CDHR5: variants seen among roughly 807,000 people sequenced by gnomAD.
The protein encoded by CDHR5 is cadherin related family member 5.
Under a neutral mutation model 69.5 loss-of-function variants are expected in CDHR5, and 82 were observed. That is an observed-to-expected ratio of 1.18 (90% CI 0.99 to 1.42). CDHR5 has a LOEUF of 1.42. Ranked by LOEUF, CDHR5 falls within the 40% of genes most tolerant of loss-of-function variation. CDHR5 has a pLI of 0.00. For missense variants in CDHR5, 1,293 were observed against 1,168.9 expected (o/e 1.11, Z -1.55); for synonymous variants, 601 against 510.2 (o/e 1.18, Z -2.40).
rs748573427 is a variant in CDHR5, at chr11:621,576, G to A, written c.493C>T (p.Gln165Ter). 6.2e-7 allele frequency: 1 copy of A among 1,613,350 alleles called. No individual in the cohort carries two copies. Among genetic ancestry groups the A allele is most frequent in the Non-Finnish European group, 8.5e-7 (1 of 1,179,360 alleles). ...GCGGCACTGACTGCTGTCATTTCCTGGAGGGTGTAGAACAGAATGTCGTCC... is the reference window on the plus strand; with the variant it reads ...GCGGCACTGACTGCTGTCATTTCCTAGAGGGTGTAGAACAGAATGTCGTCC... Reference protein sequence around the residue: ...DKDDILFYTLQEMTAGASDYF... With the variant: ...DKDDILFYTL The change falls in exon 5 of 15, where the codon CAG (glutamine) becomes TAG (stop). Residue 165 changes from glutamine (Q) to a stop codon, truncating the protein, a stop_gained. Transcript: ENST00000397542. LOFTEE classifies it high-confidence loss of function. This position sits in a 1 kb window ranked among gnomAD's most constrained non-coding sequence, Gnocchi z 4.4.
At chr11:618,424 C>T (rs1426523816) in intron 13 of CDHR5, among the ~76,000 whole-genome samples, 175 bp downstream of exon 13, 1 of 152,254 alleles carries the variant, frequency 6.6e-6, no homozygotes, top group Non-Finnish European at 1.5e-5. Context: ...CTACACACAT[C>T]ACAGGTTACC....
chr11:621,628 C>A lies in CDHR5; in HGVS notation c.441G>T (p.Thr147=). 2 of 1,613,694 alleles carry A rather than the reference C, an allele frequency of 1.2e-6. No homozygotes were observed. Among genetic ancestry groups the A allele is most frequent in the Non-Finnish European group, 1.7e-6 (2 of 1,179,768 alleles). ...TKVNSTVIPE[T]QLQAEDRDKD... is the part of the protein sequence containing the mutation. ...TGTCGCGGTCCTCAGCCTGCAGTTG[C>A]GTCTCGGGGATGACGGTGGAGTTCA... The change falls in exon 5 of 15, where the codon ACG becomes ACT. Residue 147 remains threonine, a synonymous_variant. Coordinates refer to ENST00000397542, the MANE Select transcript of CDHR5 (RefSeq NM_021924.5). The surrounding 1 kb of genome is among the most constrained non-coding windows in gnomAD (Gnocchi z 4.4).
At chr11:622,592 C>T (rs980322154) in intron 3 of CDHR5, among the ~76,000 whole-genome samples, 4 of 152,016 alleles carry the variant, frequency 2.6e-5, no homozygotes, top group Non-Finnish European at 4.4e-5. Flanking sequence ...CTGCCCACCT[C>T]GGCCTCCCAA....
chr11:618,280 G>A (rs567527958), intron 13 of CDHR5, among the ~76,000 whole-genome samples, 169 bp from the exon 14 acceptor site: 30 of 152,244 alleles, frequency 2.0e-4, no homozygotes, highest in African/African-American at 7.0e-4. Context: ...GTGTCCCATC[G>A]AGACCCTGCC....
At position 621,369 on chromosome 11, in the gene CDHR5, G is replaced by T; in HGVS notation, c.594C>A (p.Asn198Lys). 1 of 1,613,232 alleles carries T rather than the reference G, an allele frequency of 6.2e-7. No homozygotes were observed. The highest frequency in any genetic ancestry group is 8.5e-7 in the Non-Finnish European group (1 of 1,179,966). Residue 198 changes from asparagine (N) to lysine (K), a missense_variant, in exon 6 of 15, where the codon AAC (asparagine) becomes AAA (lysine). Coordinates refer to ENST00000397542, the MANE Select transcript of CDHR5 (RefSeq NM_021924.5). The surrounding 1 kb of genome is among the most constrained non-coding windows in gnomAD (Gnocchi z 4.4). Reference sequence around the variant, plus strand: ...CCCGCACCAGCAGCCAGAAGGTCATGTTCGGCCGCTCGTAGAAGTCCAGGG... The same window carrying T: ...CCCGCACCAGCAGCCAGAAGGTCATTTTCGGCCGCTCGTAGAAGTCCAGGG... ...DRPLDFYERP[N>K]MTFWLLVRDT... is the part of the protein sequence containing the mutation.
rs758796445 is a variant in CDHR5, at chr11:619,792, C to T, written c.1068G>A (p.Gln356=). The change falls in exon 10 of 15, where the codon CAG becomes CAA. Residue 356 remains glutamine (Q), a synonymous_variant. Transcript: ENST00000397542. ...AAAGSPPRFP[Q]RLYRGTVARG... is the part of the protein sequence containing the mutation. Reference sequence around the variant, plus strand: ...GCGCCACGGTGCCACGATACAGTCTCTGGGGGAAGCGGGGCGGGCTCCCGG... The same window carrying T: ...GCGCCACGGTGCCACGATACAGTCTTTGGGGGAAGCGGGGCGGGCTCCCGG... 20 of 1,606,008 alleles carry T rather than the reference C, an allele frequency of 1.2e-5. No homozygotes were observed. The highest frequency in any genetic ancestry group is 6.7e-5 in the Admixed American group (4 of 59,578).
Position 621,907 on chromosome 11 carries a change from G to A in CDHR5, c.313-3C>T, listed in dbSNP as rs1378279917. On this transcript the variant is annotated splice_polypyrimidine_tract_variant and splice_region_variant and intron_variant, in intron 3 of 14. Coordinates refer to ENST00000397542, the MANE Select transcript of CDHR5 (RefSeq NM_021924.5). This position sits in a 1 kb window ranked among gnomAD's most constrained non-coding sequence, Gnocchi z 4.4. Reference sequence around the variant, plus strand: ...ACGAACACCCTTAGCTGGGTCACCTGCAGGATGTGGCCGTCAGCCTCTCCC... The same window carrying A: ...ACGAACACCCTTAGCTGGGTCACCTACAGGATGTGGCCGTCAGCCTCTCCC... 1 of 1,610,048 alleles carries A rather than the reference G, an allele frequency of 6.2e-7. No homozygotes were observed. The highest frequency in any genetic ancestry group is 8.5e-7 in the Non-Finnish European group (1 of 1,177,634).
intron 11 of CDHR5, 33 bp from the exon 12 acceptor site, chr11:619,423 A>T (rs753493260): frequency 6.2e-6 from 10 of 1,607,940 alleles, no homozygotes; most frequent in Non-Finnish European, 8.5e-7. Context: ...CCTCCTAGAC[A>T]CATCTTTAAG....
intron 14 of CDHR5, 67 bp from the exon 15 acceptor site, chr11:617,837 C>T: frequency 2.0e-5 from 30 of 1,476,566 alleles, no homozygotes; most frequent in Non-Finnish European, 2.4e-5. Context: ...TGCACACCCT[C>T]ATTCCACGCT....
rs374266659 is a variant in CDHR5, at chr11:618,850, G to A, written c.1709C>T (p.Thr570Ile). The A allele has an allele frequency of 6.8e-6, 11 of 1,611,470 alleles. No homozygotes were observed. The highest frequency in any genetic ancestry group is 1.7e-5 in the Admixed American group (1 of 59,614). Residue 570 changes from threonine to isoleucine, a missense_variant, in exon 13 of 15, where the codon ACA becomes ATA. Coordinates refer to ENST00000397542, the MANE Select transcript of CDHR5 (RefSeq NM_021924.5). ...SHQPATPSGGTAQTPEPGTSQ... is the reference protein window; with the variant it reads ...SHQPATPSGGIAQTPEPGTSQ... Reference sequence around the variant, plus strand: ...GGTTCCTGGCTCTGGGGTCTGTGCTGTGCCCCCACTGGGTGTGGCTGGTTG... The same window carrying A: ...GGTTCCTGGCTCTGGGGTCTGTGCTATGCCCCCACTGGGTGTGGCTGGTTG...
rs747797362 is a variant in CDHR5 at position 618,723 on chromosome 11, C to T, written c.1836G>A (p.Pro612=). 1.8e-5 allele frequency: 28 copies of T among 1,599,394 alleles called. No individual in the cohort carries two copies. Among genetic ancestry groups the T allele is most frequent in the South Asian group, 1.0e-4 (9 of 89,872 alleles). ...TGCTGGTTCCCATACCGGGGGGCAT[C>T]GGCTGAGAGGTTCCTGCCTCTGGGG... ...AQTPEAGTSQ[P]MPPGMGTSTS... is the part of the protein sequence containing the mutation. The change falls in exon 13 of 15, where the codon CCG becomes CCA. Residue 612 remains proline, a synonymous_variant. Transcript: ENST00000397542.
intron 3 of CDHR5, among the ~76,000 whole-genome samples, chr11:623,843 T>C (rs1170294620): frequency 6.6e-6 from 1 of 151,446 alleles, no homozygotes; most frequent in Non-Finnish European, 1.5e-5. Context: ...GATTTCTGGG[T>C]CGAGCTGGGG....
Position 617,408 on chromosome 11 carries a change from G to T in CDHR5, c.2481C>A (p.Gly827=), listed in dbSNP as rs758449664. 1 of 1,610,530 alleles carries T rather than the reference G, an allele frequency of 6.2e-7. No homozygotes were observed. Among genetic ancestry groups the T allele is most frequent in the Non-Finnish European group, 8.5e-7 (1 of 1,178,418 alleles). Residue 827 remains glycine (G), a synonymous_variant, in exon 15 of 15, where the codon GGC becomes GGA. Coordinates refer to ENST00000397542, the MANE Select transcript of CDHR5 (RefSeq NM_021924.5). ...CGTAGGGACCCCCACCCCTCCCCGC[G>T]CCCTCGCCCTCATCGCCGCTGCCGG... ...SDSGSGDEGE[G]AGRGGGPYDA...
Position 619,402 on chromosome 11 carries a change from A to C in CDHR5, c.1294-12T>G. 6.2e-7 allele frequency: 1 copy of C among 1,612,164 alleles called. No individual in the cohort carries two copies. The highest frequency in any genetic ancestry group is 8.5e-7 in the Non-Finnish European group (1 of 1,178,520). On this transcript the variant is annotated splice_polypyrimidine_tract_variant and intron_variant, in intron 11 of 14. Transcript: ENST00000397542. The stretch of plus-strand genomic sequence containing the variant: ...TTGTGGGCCTCAACCTGGGGCAGGA[A>C]GGGGCTTGTCCCTCCTAGACACATC...
chr11:621,863 A>G lies in CDHR5; in HGVS notation c.354T>C (p.Asn118=), dbSNP rs1050516485. Residue 118 remains asparagine, a synonymous_variant, in exon 4 of 15, where the codon AAT becomes AAC. Transcript: ENST00000397542. The surrounding 1 kb of genome is among the most constrained non-coding windows in gnomAD (Gnocchi z 4.4). ...LRVFVSVLDV[N]DNAPEFPFKT... Reference sequence around the variant, plus strand: ...TAAAGGGGAATTCGGGGGCATTGTCATTGACGTCCAGCACTGACACGAACA... The same window carrying G: ...TAAAGGGGAATTCGGGGGCATTGTCGTTGACGTCCAGCACTGACACGAACA... 1.2e-6 allele frequency: 2 copies of G among 1,613,542 alleles called. No individual in the cohort carries two copies. The highest frequency in any genetic ancestry group is 1.7e-6 in the Non-Finnish European group (2 of 1,179,906).
chr11:624,284 G>C lies in CDHR5; in HGVS notation c.262-21C>G, dbSNP rs115483494. 1.2e-5 allele frequency: 9 copies of C among 760,356 alleles called. No individual in the cohort carries two copies. The African/African-American group carries it at 1.4e-4, about 11-fold the overall frequency. 47.1% of individuals were successfully genotyped at this position (760,356 alleles called of 1,614,324 possible). On this transcript the variant is annotated intron_variant, in intron 2 of 14. Coordinates refer to ENST00000397542, the MANE Select transcript of CDHR5 (RefSeq NM_021924.5). This position sits in a 1 kb window ranked among gnomAD's most constrained non-coding sequence, Gnocchi z 5.3. Reference sequence around the variant, plus strand: ...TTCTCCTGTGGATGTAGACAGGTCTGCAGTCACCGTCCTGCCCCACAGGTG... The same window carrying C: ...TTCTCCTGTGGATGTAGACAGGTCTCCAGTCACCGTCCTGCCCCACAGGTG...
At chr11:622,706 C>T (rs767532929) in intron 3 of CDHR5, among the ~76,000 whole-genome samples, 75 of 151,076 alleles carry the variant, frequency 5.0e-4, no homozygotes, top group East Asian at 3.9e-4. Flanking sequence ...GAACTCTTGA[C>T]CTCAGGTGAT....
At chr11:620,455 A>T in intron 7 of CDHR5, 69 bp from the exon 8 acceptor site, 1 of 1,112,674 alleles carries the variant, frequency 9.0e-7, no homozygotes, top group Non-Finnish European at 1.3e-6. Context: ...GGCCCCTCTG[A>T]CTCCCCATCA....
rs746492354 is a variant in CDHR5 at position 617,600 on chromosome 11, T to C, written c.2289A>G (p.Ala763=). 2 of 1,606,410 alleles carry C rather than the reference T, an allele frequency of 1.2e-6. No individual in the cohort carries two copies. Among genetic ancestry groups the C allele is most frequent in the South Asian group, 2.2e-5 (2 of 90,632 alleles). Residue 763 remains alanine (A), a synonymous_variant, in exon 15 of 15, where the codon GCA becomes GCG. Coordinates refer to ENST00000397542, the MANE Select transcript of CDHR5 (RefSeq NM_021924.5). ...ASPGGAPEPP[A]AARAGGSPTA... is the part of the protein sequence containing the mutation. ...TGGGGCTTCCGCCAGCTCGGGCCGC[T>C]GCGGGGGGCTCAGGGGCACCGCCTG...
Sources: gnomAD v4.1 joint callset for allele counts (sites outside exome capture counted in the v4.1 genomes callset) on GRCh38, gnomAD v4.1.1 for gene constraint, Gnocchi (gnomAD v3.1) non-coding constraint, MANE v1.5 for transcripts, NCBI Gene and HGNC (gene_info 2026-07-23, HGNC 2026-07-21) for gene names.